The following USP54 variants were observed in gnomAD, a reference collection of about 807,000 sequenced individuals.
The protein encoded by USP54 is ubiquitin carboxyl-terminal hydrolase 54.
Under a neutral mutation model 170.5 loss-of-function variants are expected in USP54, and 87 were observed. The ratio of observed to expected loss-of-function variants is 0.51; its 90% confidence interval spans 0.43 to 0.61. The LOEUF (loss-of-function observed/expected upper bound fraction) is 0.61. Among genes scored for constraint, USP54 ranks in the 20% least tolerant of loss-of-function variants. The pLI, the probability that USP54 is intolerant of heterozygous loss-of-function variation, is 0.00. For missense variants in USP54, 1,786 were observed against 2,047.8 expected, an observed-to-expected ratio of 0.87 and a Z score of 2.47; for synonymous variants, 655 against 742.8, an observed-to-expected ratio of 0.88 and a Z score of 1.92.
chr10:73,612,839 CAAAA>C (rs756355670), intron 1 of USP54, among the ~76,000 whole-genome samples: 5 of 42,116 alleles, frequency 1.2e-4, no homozygotes, highest in African/African-American at 3.6e-4. Context: ...GACATTGTCT[CAAAA>C]AAAAAAAAAA....
rs545421154 is a variant in USP54 at position 73,625,288 on chromosome 10, G to A, written c.-18+279C>T. ...CCTACTCGTAGTTTCTCAGCGAAAA[G>A]AACCTTCCCAACTAATACTAGTTCA... On this transcript the variant is annotated intron_variant, in intron 1 of 22. Coordinates refer to the USP54 transcript ENST00000339859. Among the ~76,000 whole-genome samples, 258 of 138,300 alleles carry A rather than the reference G, an allele frequency of 1.9e-3. 1 individual carries two copies. The highest frequency in any genetic ancestry group is 2.9e-3 in the Non-Finnish European group (195 of 66,526). The allele number at this position is 138,300 out of a possible 152,430, so 90.7% of individuals were successfully genotyped here. A position where few individuals can be genotyped will look rare whatever the true frequency, so the allele number is the denominator to read the frequency against.
At chr10:73,569,379 G>A (rs2074542954) in intron 4 of USP54, among the ~76,000 whole-genome samples, 1 of 152,088 alleles carries the variant, frequency 6.6e-6, no homozygotes, top group Non-Finnish European at 1.5e-5. Context: ...GTCTAAATGG[G>A]CACAGTAAGA....
At chr10:73,549,575 C>T (rs901761722) in intron 4 of USP54, among the ~76,000 whole-genome samples, 2 of 152,186 alleles carry the variant, frequency 1.3e-5, no homozygotes, top group African/African-American at 4.8e-5. Context: ...TTTCACAACT[C>T]CCATCCAATC....
rs2061656159 is a variant in USP54, at chr10:73,519,985, T to C, written c.2490A>G (p.Leu830=). ...LALCNEAISK[L]RLALHGASCS... ...AGCTGGCACCATGCAGGGCAAGTCT[T>C]AGTTTAGCTAAAATGCAAAAGAAAA... Residue 830 remains leucine (L), a synonymous_variant, in exon 19 of 24, where the codon CTA becomes CTG. Coordinates refer to ENST00000687698, the MANE Select transcript of USP54 (RefSeq NM_001391956.1). 6.2e-7 allele frequency: 1 copy of C among 1,602,442 alleles called. No homozygotes were observed. Among genetic ancestry groups the C allele is most frequent in the Non-Finnish European group, 8.5e-7 (1 of 1,173,830 alleles).
intron 1 of USP54, among the ~76,000 whole-genome samples, chr10:73,619,024 C>A (rs889351672): frequency 5.3e-5 from 8 of 149,828 alleles, no homozygotes; most frequent in Non-Finnish European, 1.0e-4. Flanking sequence ...ACCAGCCTAG[C>A]CAACGTGGTG....
At chr10:73,616,150 C>T (rs1156497283) in intron 1 of USP54, among the ~76,000 whole-genome samples, 2 of 149,562 alleles carry the variant, frequency 1.3e-5, no homozygotes, top group Non-Finnish European at 2.9e-5. Context: ...ACTAGCCTGG[C>T]GAACATGGTG....
At chr10:73,565,862 C>T (rs2073649868) in intron 4 of USP54, among the ~76,000 whole-genome samples, 1 of 152,112 alleles carries the variant, frequency 6.6e-6, no homozygotes, top group South Asian at 2.1e-4. Flanking sequence ...CAAATGACTA[C>T]CAACATTTGG....
chr10:73,578,844 T>C (rs1471328528), intron 1 of USP54, among the ~76,000 whole-genome samples: 4 of 151,964 alleles, frequency 2.6e-5, no homozygotes, highest in South Asian at 2.1e-4. Context: ...TATACAAAAA[T>C]AATTCAATAC....
intron 9 of USP54, among the ~76,000 whole-genome samples, chr10:73,541,170 T>C (rs2066521314): frequency 6.6e-6 from 1 of 152,190 alleles, no homozygotes; most frequent in African/African-American, 2.4e-5. Context: ...TCCCATTTCT[T>C]CTTAAAAACT....
chr10:73,539,473 T>A lies in USP54; in HGVS notation c.946A>T (p.Met316Leu). Residue 316 changes from methionine (M) to leucine (L), a missense_variant, in exon 10 of 24, where the codon ATG becomes TTG. Met to Leu is a conservative substitution (Grantham distance 15, BLOSUM62 2). This residue lies in a region of USP54 where 361 missense variants were observed against 455.0 expected (regional missense o/e 0.79). Transcript: ENST00000687698. ...TTGACATGAGCATCATCAAAATACATCCATTTGCGAATCTTTGTTTGAAAA... is the reference window on the plus strand; with the variant it reads ...TTGACATGAGCATCATCAAAATACAACCATTTGCGAATCTTTGTTTGAAAA... ...FFFQTKIRKW[M>L]YFDDAHVKEI... The A allele has an allele frequency of 6.2e-7, 1 of 1,610,670 alleles. No homozygotes were observed. The highest frequency in any genetic ancestry group is 8.5e-7 in the Non-Finnish European group (1 of 1,177,818).
At chr10:73,600,783 G>A (rs1465483362) in intron 1 of USP54, among the ~76,000 whole-genome samples, 1 of 152,100 alleles carries the variant, frequency 6.6e-6, no homozygotes, top group South Asian at 2.1e-4. Context: ...GTGTGGTGGC[G>A]GTCACCTGTA....
At chr10:73,586,946 C>T (rs2077555648) in intron 1 of USP54, among the ~76,000 whole-genome samples, 1 of 152,098 alleles carries the variant, frequency 6.6e-6, no homozygotes, top group Non-Finnish European at 1.5e-5. Context: ...ATTTTTCCTG[C>T]ACAAGAACTT....
intron 1 of USP54, among the ~76,000 whole-genome samples, chr10:73,577,937 A>G (rs960379301): frequency 1.3e-5 from 2 of 152,190 alleles, no homozygotes. Flanking sequence ...GCATTCCTTC[A>G]GCTCAACTGC....
At chr10:73,605,362 C>A (rs897214690) in intron 1 of USP54, among the ~76,000 whole-genome samples, 1 of 152,034 alleles carries the variant, frequency 6.6e-6, no homozygotes, top group African/African-American at 2.4e-5. Context: ...CTGCACCTAG[C>A]CAATTTTTTT....
intron 20 of USP54, among the ~76,000 whole-genome samples, chr10:73,511,917 T>C (rs1451995701): frequency 6.6e-6 from 1 of 151,288 alleles, no homozygotes; most frequent in Non-Finnish European, 1.5e-5. Context: ...TAATTTTTTT[T>C]GTATTTTTAG....
chr10:73,600,650 G>C (rs1337827480), intron 1 of USP54, among the ~76,000 whole-genome samples: 1 of 152,176 alleles, frequency 6.6e-6, no homozygotes, highest in African/African-American at 2.4e-5. Context: ...GCAGGGGCTC[G>C]CGCCTATAAT....
In USP54 at chr10:73,504,864, A is replaced by C. The variant is rs1276827042; in HGVS notation, c.4297T>G (p.Ser1433Ala). ...ATTCTACTTACAAAACTGTGGGAAGAAACCGGAGCTTCCTCCCTCTCTGAG... is the reference window on the plus strand; with the variant it reads ...ATTCTACTTACAAAACTGTGGGAAGCAACCGGAGCTTCCTCCCTCTCTGAG... ...VVSEREEAPVSSHSFDSSNVR... is the reference protein window; with the variant it reads ...VVSEREEAPVASHSFDSSNVR... Residue 1433 changes from serine (S) to alanine (A), a missense_variant, in exon 22 of 24, where the codon TCT becomes GCT. Physicochemically the swap from Ser to Ala is moderately conservative, Grantham distance 99. Transcript: ENST00000687698. 2 of 1,614,182 alleles carry C rather than the reference A, an allele frequency of 1.2e-6. No homozygotes were observed.
intron 1 of USP54, among the ~76,000 whole-genome samples, chr10:73,596,720 C>CAAAAAAAAAA (rs36049099): frequency 1.1e-5 from 1 of 91,852 alleles, no homozygotes; most frequent in African/African-American, 4.5e-5. Context: ...GATCCTGTCT[C>CAAAAAAAAAA]AAAAAAAAAA....
At chr10:73,607,318 C>CT (rs2079733293) in intron 1 of USP54, among the ~76,000 whole-genome samples, 1 of 95,956 alleles carries the variant, frequency 1.0e-5, no homozygotes, top group African/African-American at 4.3e-5. Context: ...CTAGAGTTTG[C>CT]TTAAAAAAAA....
Sources: allele counts gnomAD v4.1 joint callset (sites outside exome capture counted in the v4.1 genomes callset), GRCh38; gene constraint gnomAD v4.1.1; regional missense constraint gnomAD v4.1.1; transcripts MANE v1.5; gene names NCBI Gene and HGNC (gene_info 2026-07-23, HGNC 2026-07-21).